IBTK: variants seen among roughly 807,000 people sequenced by gnomAD.
IBTK encodes inhibitor of Bruton tyrosine kinase.
Under a neutral mutation model 154.9 loss-of-function variants are expected in IBTK, and 83 were observed. The observed-to-expected ratio is 0.54, with a 90% CI of 0.45 to 0.64. The LOEUF (loss-of-function observed/expected upper bound fraction) is 0.64, where lower values mean the gene tolerates loss of function less well. Ranked by LOEUF, IBTK falls within the 30% of genes least tolerant of loss-of-function variation. IBTK has a pLI of 0.00. For missense variants in IBTK, 1,332 were observed against 1,584.6 expected (o/e 0.84, Z 2.71); for synonymous variants, 515 against 536.1 (o/e 0.96, Z 0.54).
rs1767934487 is a variant in IBTK, at chr6:82,171,746, G to T, written c.3931-190C>A. Among the ~76,000 whole-genome samples the T allele has an allele frequency of 2.0e-5, 3 of 152,196 alleles. No individual in the cohort carries two copies. In the South Asian group the frequency reaches 6.2e-4, roughly 32 times the overall value. On this transcript the variant is annotated intron_variant, in intron 28 of 28. Coordinates refer to ENST00000306270, the MANE Select transcript of IBTK (RefSeq NM_015525.4). The stretch of plus-strand genomic sequence containing the variant: ...CTGTGGCAAGGAGAAAGCTTGAGGT[G>T]TGAGGTAGAATCATGAGATACCCAT...
intron 17 of IBTK, among the ~76,000 whole-genome samples, chr6:82,203,638 G>C (rs1265825373): frequency 6.6e-6 from 1 of 152,038 alleles, no homozygotes; most frequent in Non-Finnish European, 1.5e-5. Context: ...ACCAAAGGAG[G>C]TGGTAGCCTC....
intron 10 of IBTK, among the ~76,000 whole-genome samples, chr6:82,216,778 C>T (rs1006172264): frequency 6.6e-6 from 1 of 152,102 alleles, no homozygotes; most frequent in Non-Finnish European, 1.5e-5. Flanking sequence ...AGAAGACAGA[C>T]ATGTGCCTGC....
At chr6:82,233,587 T>C (rs879905578) in intron 3 of IBTK, among the ~76,000 whole-genome samples, 22 of 151,948 alleles carry the variant, frequency 1.4e-4, no homozygotes, top group Admixed American at 6.6e-4. Flanking sequence ...ATCCAACATA[T>C]ACCAAAGTAA....
At chr6:82,214,851 A>G (rs758328068) in intron 11 of IBTK, 22 bp from the exon 12 acceptor site, 1 of 1,522,658 alleles carries the variant, frequency 6.6e-7, no homozygotes, top group South Asian at 1.3e-5. Context: ...ACAAAAACAA[A>G]TTATGCTTCA....
At chr6:82,204,282 A>G (rs1405042398) in intron 17 of IBTK, among the ~76,000 whole-genome samples, 2 of 152,188 alleles carry the variant, frequency 1.3e-5, no homozygotes, top group African/African-American at 2.4e-5. Context: ...GTTAAAAGGA[A>G]TAAGTTTTGA....
intron 23 of IBTK, among the ~76,000 whole-genome samples, chr6:82,194,234 C>T (rs968612689): frequency 9.9e-5 from 15 of 151,874 alleles, no homozygotes; most frequent in African/African-American, 2.4e-4. Flanking sequence ...TCTCTATATA[C>T]GTAAAACATA....
At position 82,227,227 on chromosome 6, in the gene IBTK, C is replaced by T; in HGVS notation, c.619G>A (p.Gly207Arg). ...TGTTCATCTCCATGTCCTAATCGCCCTCCAGGACCATGACCACAGGTATAA... is the reference window on the plus strand; with the variant it reads ...TGTTCATCTCCATGTCCTAATCGCCTTCCAGGACCATGACCACAGGTATAA... ...QVYTCGHGPG[G>R]RLGHGDEQTC... The change falls in exon 5 of 29, where the codon GGG becomes AGG. Residue 207 changes from glycine to arginine, a missense_variant. This residue lies in a region of IBTK where 114 missense variants were observed against 213.7 expected (regional missense o/e 0.53). Transcript: ENST00000306270. 1.2e-6 allele frequency: 2 copies of T among 1,612,864 alleles called. No individual in the cohort carries two copies. The highest frequency in any genetic ancestry group is 1.7e-6 in the Non-Finnish European group (2 of 1,179,298).
intron 25 of IBTK, among the ~76,000 whole-genome samples, chr6:82,183,055 A>C (rs1177923910): frequency 6.6e-6 from 1 of 152,184 alleles, no homozygotes; most frequent in East Asian, 1.9e-4. Context: ...TTCAAGTATA[A>C]TCTGTTATGA....
intron 2 of IBTK, among the ~76,000 whole-genome samples, chr6:82,239,196 C>T (rs1242461417): frequency 1.3e-5 from 2 of 151,936 alleles, no homozygotes; most frequent in African/African-American, 4.8e-5. Context: ...AATCCCAGCA[C>T]TTTGGGAGGC....
Position 82,223,329 on chromosome 6 carries a change from A to G in IBTK, c.1124+111T>C, listed in dbSNP as rs192993068. The G allele has an allele frequency of 7.1e-6, 6 of 839,928 alleles. No homozygotes were observed. In the Admixed American group the frequency reaches 1.1e-4, roughly 16 times the overall value. 52.0% of individuals were successfully genotyped at this position (839,928 alleles called of 1,614,324 possible). A position where few individuals can be genotyped will look rare whatever the true frequency, so the allele number is the denominator to read the frequency against. ...AATTCCTGATGTTTTTCCTCATTCA[A>G]TTTTTTCCATTTGACATTTATAGAA... is the stretch of plus-strand genomic sequence containing the variant. On this transcript the variant is annotated intron_variant, in intron 8 of 28. Transcript: ENST00000306270.
intron 4 of IBTK, among the ~76,000 whole-genome samples, chr6:82,227,526 CAAAG>C (rs1302703544): frequency 6.6e-6 from 1 of 151,670 alleles, no homozygotes; most frequent in Non-Finnish European, 1.5e-5. Context: ...AAAAAAAGAA[CAAAG>C]AAAGAATTAA....
rs555018223 is a variant in IBTK at position 82,245,770 on chromosome 6, A to T, written c.-358+1792T>A. 2.8e-3 allele frequency among the ~76,000 whole-genome samples: 409 copies of T among 147,676 alleles called. 3 individuals are homozygous for T. Among genetic ancestry groups the T allele is most frequent in the Non-Finnish European group, 3.6e-3 (240 of 66,106 alleles). On this transcript the variant is annotated intron_variant, in intron 1 of 28. Coordinates refer to ENST00000306270, the MANE Select transcript of IBTK (RefSeq NM_015525.4). ...CTTATGTGCCTTTTCTTAGAGATTT[A>T]AAAAAAAAAGGGCAGGCAATCCAAA...
In IBTK at chr6:82,231,689, A is replaced by T. The variant is rs531411765; in HGVS notation, c.543+29T>A. The stretch of plus-strand genomic sequence containing the variant: ...ATACAAAAGTTCTTTCTCATCTCTA[A>T]AAGTATATAGATTGTACTTCAAAAA... On this transcript the variant is annotated intron_variant, in intron 4 of 28. Transcript: ENST00000306270. 3.9e-6 allele frequency: 6 copies of T among 1,539,146 alleles called. No homozygotes were observed. In the African/African-American group the frequency reaches 8.3e-5, roughly 21 times the overall value.
chr6:82,190,265 T>C (rs1489699534), intron 25 of IBTK, among the ~76,000 whole-genome samples: 1 of 152,164 alleles, frequency 6.6e-6, no homozygotes, highest in African/African-American at 2.4e-5. Context: ...TATTCCTTCT[T>C]ACAAACAGAA....
Position 82,210,902 on chromosome 6 carries a change from A to G in IBTK, c.2421T>C (p.Ser807=). The G allele has an allele frequency of 6.5e-7, 1 of 1,545,484 alleles. No homozygotes were observed. The highest frequency in any genetic ancestry group is 8.8e-7 in the Non-Finnish European group (1 of 1,141,018). Reference sequence around the variant, plus strand: ...GTATTGGCATTTCCAGAGCTGCACAACTGGAAGCCTAAATAAAATAAGACA... The same window carrying G: ...GTATTGGCATTTCCAGAGCTGCACAGCTGGAAGCCTAAATAAAATAAGACA... ...MLSSSWIEAS[S]CAALEMPIHS... Residue 807 remains serine (S), a synonymous_variant, in exon 16 of 29, where the codon AGT becomes AGC. Coordinates refer to ENST00000306270, the MANE Select transcript of IBTK (RefSeq NM_015525.4).
intron 4 of IBTK, among the ~76,000 whole-genome samples, chr6:82,231,465 T>C (rs1358074202): frequency 6.6e-6 from 1 of 152,182 alleles, no homozygotes; most frequent in African/African-American, 2.4e-5. Context: ...TAAACTACTA[T>C]CTGTATAACA....
Position 82,234,519 on chromosome 6 carries a change from G to T in IBTK, c.322-264C>A, listed in dbSNP as rs186849778. On this transcript the variant is annotated intron_variant, in intron 2 of 28. Coordinates refer to ENST00000306270, the MANE Select transcript of IBTK (RefSeq NM_015525.4). ...ACGCCCGGCTAATTTTCTATTTTTA[G>T]TAGAGACAGGGTTTCTCCATGTTGG... Among the ~76,000 whole-genome samples the T allele has an allele frequency of 2.0e-5, 3 of 151,692 alleles. No individual in the cohort carries two copies. In the East Asian group the frequency reaches 5.9e-4, roughly 30 times the overall value.
At chr6:82,207,425 A>C (rs1769456895) in intron 16 of IBTK, among the ~76,000 whole-genome samples, 1 of 152,180 alleles carries the variant, frequency 6.6e-6, no homozygotes. Context: ...GAAATTAAAG[A>C]CTTAAATATA....
At chr6:82,246,147 T>C in intron 1 of IBTK, among the ~76,000 whole-genome samples, 1 of 152,134 alleles carries the variant, frequency 6.6e-6, no homozygotes, top group East Asian at 1.9e-4. Context: ...CAAACTGCTC[T>C]CCCAAAAGGC....
Sources: gnomAD v4.1 joint callset for allele counts (sites outside exome capture counted in the v4.1 genomes callset) on GRCh38, gnomAD v4.1.1 for gene constraint, gnomAD v4.1.1 regional missense constraint, MANE v1.5 for transcripts, NCBI Gene and HGNC (gene_info 2026-07-23, HGNC 2026-07-21) for gene names.